The following PLEKHH2 variants were observed in gnomAD, a reference collection of about 807,000 sequenced individuals.
The protein encoded by PLEKHH2 is pleckstrin homology, MyTH4 and FERM domain containing H2, also known as pleckstrin homology domain-containing family H member 2.
Under a neutral mutation model 187.9 loss-of-function variants are expected in PLEKHH2, and 129 were observed. The observed-to-expected ratio is 0.69, with a 90% confidence interval of 0.59 to 0.79. The LOEUF is 0.79. PLEKHH2 is among the 30% of genes least tolerant of loss of function. PLEKHH2 has a pLI of 0.00. For synonymous variants in PLEKHH2, 686 were observed against 605.6 expected (o/e 1.13, Z -1.95); for missense variants, 2,076 against 1,751.2 (o/e 1.19, Z -3.31).
chr2:43,726,100 A>C (rs1670728038), intron 16 of PLEKHH2, among the ~76,000 whole-genome samples, 172 bp from the exon 17 acceptor site: 1 of 148,086 alleles, frequency 6.8e-6, no homozygotes, highest in African/African-American at 2.5e-5. Context: ...AGCCTGGGAG[A>C]CAGAGGGAGA....
intron 3 of PLEKHH2, among the ~76,000 whole-genome samples, chr2:43,691,528 G>A (rs994123021): frequency 1.4e-4 from 22 of 152,192 alleles, no homozygotes; most frequent in Admixed American, 1.2e-3. Flanking sequence ...TGTGCCAAAC[G>A]GGAAGGCAGG....
At chr2:43,744,204 A>G (rs1319628414) in intron 23 of PLEKHH2, 6 of 1,058,602 alleles carry the variant, frequency 5.7e-6, no homozygotes, top group Non-Finnish European at 6.2e-6. Context: ...CATATTAAAG[A>G]GAGGAAAGGT....
chr2:43,644,873 T>G, intron 2 of PLEKHH2, 77 bp downstream of exon 2: 3 of 1,387,604 alleles, frequency 2.2e-6, no homozygotes, highest in Non-Finnish European at 2.9e-6. Flanking sequence ...ATAATCTCAG[T>G]ACTTTGGGGG....
chr2:43,659,155 A>T (rs771412319), intron 2 of PLEKHH2, among the ~76,000 whole-genome samples: 158 of 142,834 alleles, frequency 1.1e-3, no homozygotes, highest in Non-Finnish European at 1.5e-3. Context: ...GTATATATAT[A>T]TTTTTTTCTT....
Position 43,710,260 on chromosome 2 carries a change from G to A in PLEKHH2, c.2144G>A (p.Gly715Asp), listed in dbSNP as rs201960418. Residue 715 changes from glycine to aspartate, a missense_variant, in exon 13 of 30, where the codon GGT becomes GAT. Transcript: ENST00000282406. ...EKSGYLLKMS[G>D]KVKSWKRRWF... ...TCTGGTTATTTATTAAAAATGAGTGGTAAAGTCAAGTCTTGGAAGCGGCGG... is the reference window on the plus strand; with the variant it reads ...TCTGGTTATTTATTAAAAATGAGTGATAAAGTCAAGTCTTGGAAGCGGCGG... 1 of 1,614,100 alleles carries A rather than the reference G, an allele frequency of 6.2e-7. No homozygotes were observed. The highest frequency in any genetic ancestry group is 2.2e-5 in the East Asian group (1 of 44,874).
At chr2:43,759,050 G>A in intron 27 of PLEKHH2, 21 bp downstream of exon 27, 1 of 1,603,620 alleles carries the variant, frequency 6.2e-7, no homozygotes, top group Non-Finnish European at 8.5e-7. Context: ...ATGGGAGAGA[G>A]ATGCATAATG....
intron 15 of PLEKHH2, among the ~76,000 whole-genome samples, chr2:43,720,140 C>T (rs1473907361): frequency 6.6e-6 from 1 of 152,122 alleles, no homozygotes; most frequent in Non-Finnish European, 1.5e-5. Context: ...TCCCATAATC[C>T]ACCCCTCCAC....
intron 8 of PLEKHH2, among the ~76,000 whole-genome samples, chr2:43,702,496 A>G (rs1259031709): frequency 8.5e-6 from 1 of 117,884 alleles, no homozygotes; most frequent in Admixed American, 8.1e-5. Flanking sequence ...TAGGCTTTTA[A>G]GTTCGTTTTA....
chr2:43,684,282 C>A (rs62136372), intron 3 of PLEKHH2, among the ~76,000 whole-genome samples: 24,948 of 150,704 alleles, frequency 0.17, 2,122 homozygotes, highest in Middle Eastern at 0.25. Flanking sequence ...TAGCATCTTT[C>A]TTTACCTCTG....
intron 15 of PLEKHH2, among the ~76,000 whole-genome samples, chr2:43,713,099 A>AACACAAACACACAC (rs142157967): frequency 6.6e-6 from 1 of 150,676 alleles, no homozygotes; most frequent in African/African-American, 2.4e-5. Flanking sequence ...ATATCAAATC[A>AACACAAACACACAC]ACACACACAC....
chr2:43,738,904 T>G (rs1484814030), intron 20 of PLEKHH2, among the ~76,000 whole-genome samples: 1 of 152,226 alleles, frequency 6.6e-6, no homozygotes, highest in African/African-American at 2.4e-5. Context: ...TCTTTGAACC[T>G]AAATGAGATG....
intron 2 of PLEKHH2, among the ~76,000 whole-genome samples, chr2:43,655,769 G>T (rs984446062): frequency 1.3e-5 from 2 of 152,084 alleles, no homozygotes; most frequent in Admixed American, 1.3e-4. Flanking sequence ...TTTTCGTCTG[G>T]GAGAGTAATT....
At chr2:43,717,376 C>T (rs115015266) in intron 15 of PLEKHH2, among the ~76,000 whole-genome samples, 79 of 152,220 alleles carry the variant, frequency 5.2e-4, no homozygotes, top group African/African-American at 1.8e-3. Context: ...CAAGATTGTG[C>T]CACTGTGCTT....
intron 24 of PLEKHH2, among the ~76,000 whole-genome samples, chr2:43,746,441 G>A (rs1671781429): frequency 1.3e-5 from 2 of 152,144 alleles, no homozygotes; most frequent in African/African-American, 4.8e-5. Flanking sequence ...AGCCCAGGAG[G>A]TTGAGACTGC....
intron 7 of PLEKHH2, among the ~76,000 whole-genome samples, chr2:43,698,760 C>A (rs1669217898): frequency 6.6e-6 from 1 of 152,086 alleles, no homozygotes; most frequent in African/African-American, 2.4e-5. Context: ...TTCAAAGTTT[C>A]TTTTCTACAC....
chr2:43,763,584 TA>T (rs912998238), intron 28 of PLEKHH2, among the ~76,000 whole-genome samples: 2 of 146,008 alleles, frequency 1.4e-5, no homozygotes, highest in African/African-American at 2.7e-5. Flanking sequence ...CATGCCCGGC[TA>T]ATTTTTTTTT....
At position 43,700,117 on chromosome 2, in the gene PLEKHH2, A is replaced by G. The variant is rs912034786; in HGVS notation, c.1159A>G (p.Asn387Asp). The change falls in exon 8 of 30, where the codon AAT (asparagine) becomes GAT (aspartate). Residue 387 changes from asparagine (N) to aspartate (D), a missense_variant. Transcript: ENST00000282406. Reference protein sequence around the residue: ...KEQDSSSDELNKKFQSQRLDY... With the variant: ...KEQDSSSDELDKKFQSQRLDY... ...ACAAGATAGTTCCTCGGATGAACTG[A>G]ATAAAAAATTTCAATCCCAGAGACT... The G allele has an allele frequency of 5.6e-6, 9 of 1,614,054 alleles. No individual in the cohort carries two copies. In the African/African-American group the frequency reaches 1.1e-4, roughly 19 times the overall value.
intron 3 of PLEKHH2, among the ~76,000 whole-genome samples, chr2:43,681,996 C>T (rs1416227876): frequency 6.6e-6 from 1 of 152,060 alleles, no homozygotes; most frequent in Non-Finnish European, 1.5e-5. Context: ...GTATAGTGAA[C>T]CCGCATCACC....
intron 20 of PLEKHH2, 136 bp downstream of exon 20, chr2:43,738,656 T>C: frequency 1.2e-6 from 1 of 815,326 alleles, no homozygotes; most frequent in South Asian, 2.3e-5. Flanking sequence ...AATATTTTGA[T>C]GTCTACCTTT....
Sources: gnomAD v4.1 joint callset for allele counts (sites outside exome capture counted in the v4.1 genomes callset) on GRCh38, gnomAD v4.1.1 for gene constraint, MANE v1.5 for transcripts, NCBI Gene and HGNC (gene_info 2026-07-23, HGNC 2026-07-21) for gene names.